GAN: variants seen among roughly 807,000 people sequenced by gnomAD.
The protein encoded by GAN is epididymis secretory sperm binding protein.
A neutral mutation model predicts 71.3 loss-of-function variants in GAN; 48 were observed. The ratio of observed to expected loss-of-function variants is 0.67; its 90% CI spans 0.53 to 0.86. GAN has a LOEUF of 0.86. GAN is among the 40% of genes least tolerant of loss of function. The pLI, the probability that GAN is intolerant of heterozygous loss-of-function variation, is 0.00. For missense variants in GAN, 928 were observed against 770.1 expected (o/e 1.21, Z -2.43); for synonymous variants, 386 against 276.8 (o/e 1.39, Z -3.92).
In GAN at chr16:81,384,487, G is replaced by A. The variant is rs953332827; in HGVS notation, c.*6891G>A. The A allele has an allele frequency of 6.6e-6, 1 of 152,028 alleles. No homozygotes were observed. The highest frequency in any genetic ancestry group is 1.5e-5 in the Non-Finnish European group (1 of 68,018). The allele number at this position is 152,028 out of a possible 1,614,324, so 9.4% of individuals were successfully genotyped here. On this transcript the variant is annotated 3_prime_UTR_variant, in exon 11 of 11. Transcript: ENST00000648994. ...CACTGCTGTGTAAAACAGGGGGCTCGATTTCCATTCTTGTTAGCATCAGAC... is the reference window on the plus strand; with the variant it reads ...CACTGCTGTGTAAAACAGGGGGCTCAATTTCCATTCTTGTTAGCATCAGAC...
At chr16:81,328,984 A>C (rs1909481267) in intron 1 of GAN, among the ~76,000 whole-genome samples, 1 of 152,166 alleles carries the variant, frequency 6.6e-6, no homozygotes, top group South Asian at 2.1e-4. Flanking sequence ...CGTTTCATCT[A>C]CAGTATTAGA....
At chr16:81,329,150 C>G (rs1437665588) in intron 1 of GAN, among the ~76,000 whole-genome samples, 1 of 152,104 alleles carries the variant, frequency 6.6e-6, no homozygotes, top group East Asian at 1.9e-4. Flanking sequence ...GTTCCCCCAC[C>G]CTTTTTCTCC....
At chr16:81,368,080 T>C (rs1163171033) in intron 9 of GAN, among the ~76,000 whole-genome samples, 1 of 152,246 alleles carries the variant, frequency 6.6e-6, no homozygotes, top group Non-Finnish European at 1.5e-5. Flanking sequence ...CTTTGTTCCC[T>C]ATTTTTAGGT....
chr16:81,369,114 A>G (rs1397938524), intron 9 of GAN, among the ~76,000 whole-genome samples: 2 of 152,212 alleles, frequency 1.3e-5, no homozygotes, highest in African/African-American at 2.4e-5. Context: ...TTTACAGTAT[A>G]TAAGTTAAAT....
In GAN at chr16:81,377,641, T is replaced by A. The variant is rs886052337; in HGVS notation, c.*45T>A. 3 of 1,536,798 alleles carry A rather than the reference T, an allele frequency of 2.0e-6. No individual in the cohort carries two copies. Among genetic ancestry groups the A allele is most frequent in the South Asian group, 1.1e-5 (1 of 89,504 alleles). On this transcript the variant is annotated 3_prime_UTR_variant, in exon 11 of 11. Transcript: ENST00000648994. ...GCGAGATCCTGACCCAAGAGCACCA[T>A]AACATAGCTCCGAAAGGGAGAGCAG...
At chr16:81,333,229 G>A (rs191616305) in intron 1 of GAN, among the ~76,000 whole-genome samples, 119 of 138,736 alleles carry the variant, frequency 8.6e-4, no homozygotes, top group African/African-American at 2.8e-3. Context: ...GCAACAGAGC[G>A]AGACTCCATC....
At chr16:81,328,200 A>G (rs1282066715) in intron 1 of GAN, among the ~76,000 whole-genome samples, 1 of 152,244 alleles carries the variant, frequency 6.6e-6, no homozygotes, top group Non-Finnish European at 1.5e-5. Context: ...ATTACATTGG[A>G]GCTTCATTTA....
chr16:81,362,482 T>A lies in GAN; in HGVS notation c.974-17T>A, dbSNP rs1381945707. ...AAGACTCACATTTCATATTTGTGTT[T>A]CCTTTGATCTTTGCAGAAGGATTTT... On this transcript the variant is annotated splice_polypyrimidine_tract_variant and intron_variant, in intron 5 of 10. Transcript: ENST00000648994. 1 of 1,337,532 alleles carries A rather than the reference T, an allele frequency of 7.5e-7. No homozygotes were observed. Among genetic ancestry groups the A allele is most frequent in the South Asian group, 1.2e-5 (1 of 85,502 alleles). 82.9% of individuals were successfully genotyped at this position (1,337,532 alleles called of 1,614,324 possible). A position where few individuals can be genotyped will look rare whatever the true frequency, so the allele number is the denominator to read the frequency against.
chr16:81,377,184 A>C, intron 9 of GAN, 35 bp from the exon 10 acceptor site: 1 of 1,235,028 alleles, frequency 8.1e-7, no homozygotes, highest in Non-Finnish European at 1.2e-6. Flanking sequence ...CATCCTTTTG[A>C]TTTCCTTAAT....
In GAN at chr16:81,356,808, A is replaced by T; in HGVS notation, c.657A>T (p.Ser219=). ...AGGTCCACATGAAGGATGTTATGTCAGCTCTGTGGGTTTCAGGGTTGGACT... is the reference window on the plus strand; with the variant it reads ...AGGTCCACATGAAGGATGTTATGTCTGCTCTGTGGGTTTCAGGGTTGGACT... ...IRKVHMKDVM[S]ALWVSGLDSS... is the part of the protein sequence containing the mutation. The change falls in exon 4 of 11, where the codon TCA becomes TCT. Residue 219 remains serine, a synonymous_variant. Transcript: ENST00000648994. The T allele has an allele frequency of 6.2e-7, 1 of 1,613,054 alleles. No individual in the cohort carries two copies. Among genetic ancestry groups the T allele is most frequent in the East Asian group, 2.2e-5 (1 of 44,884 alleles).
chr16:81,360,743 G>A (rs76760639), intron 5 of GAN, among the ~76,000 whole-genome samples: 1 of 151,400 alleles, frequency 6.6e-6, no homozygotes, highest in South Asian at 2.1e-4. Flanking sequence ...AATTATCTTT[G>A]TTTTTTAAAT....
chr16:81,362,046 A>C (rs1050370921), intron 5 of GAN, among the ~76,000 whole-genome samples: 5 of 152,188 alleles, frequency 3.3e-5, no homozygotes, highest in South Asian at 2.1e-4. Flanking sequence ...ACGCCATTAC[A>C]TGAAATCGGA....
intron 1 of GAN, among the ~76,000 whole-genome samples, chr16:81,348,424 C>T (rs1442946699): frequency 6.6e-6 from 1 of 152,032 alleles, no homozygotes; most frequent in African/African-American, 2.4e-5. Flanking sequence ...CAGTTTTGTT[C>T]CTGTCTTTTA....
chr16:81,332,043 C>T (rs1169825282), intron 1 of GAN, among the ~76,000 whole-genome samples: 3 of 152,010 alleles, frequency 2.0e-5, no homozygotes, highest in African/African-American at 7.2e-5. Flanking sequence ...TGCCTGTGAT[C>T]CCAGCTACTT....
rs886052334 is a variant in GAN at position 81,377,467 on chromosome 16, C to G, written c.1665C>G (p.His555Gln). 2 of 1,614,098 alleles carry G rather than the reference C, an allele frequency of 1.2e-6. No homozygotes were observed. The highest frequency in any genetic ancestry group is 1.7e-5 in the Admixed American group (1 of 60,020). ...REFKRSTGTW[H>Q]HTKPLLPSDL... ...TTAAAAGAAGCACAGGAACCTGGCA[C>G]CACACTAAACCACTCCTTCCATCCG... The change falls in exon 11 of 11, where the codon CAC becomes CAG. Residue 555 changes from histidine to glutamine, a missense_variant. Coordinates refer to ENST00000648994, the MANE Select transcript of GAN (RefSeq NM_022041.4).
At chr16:81,348,191 C>T (rs911708840) in intron 1 of GAN, among the ~76,000 whole-genome samples, 4 of 152,030 alleles carry the variant, frequency 2.6e-5, no homozygotes, top group Non-Finnish European at 1.5e-5. Context: ...AGGAGATTTC[C>T]TCAACTTTTT....
intron 1 of GAN, among the ~76,000 whole-genome samples, chr16:81,343,116 T>G (rs778792746): frequency 2.6e-5 from 4 of 152,154 alleles, no homozygotes; most frequent in Non-Finnish European, 5.9e-5. Flanking sequence ...TAACAGGTTC[T>G]GAAATTGAGG....
Position 81,383,125 on chromosome 16 carries a change from A to T in GAN, c.*5529A>T, listed in dbSNP as rs1001118990. ...AAGTTTGTTCTTTTTCAGTTCTGTC[A>T]TTGAAATTCTCTAAGTGATTGGATT... On this transcript the variant is annotated 3_prime_UTR_variant, in exon 11 of 11. Coordinates refer to ENST00000648994, the MANE Select transcript of GAN (RefSeq NM_022041.4). 3 of 151,674 alleles carry T rather than the reference A, an allele frequency of 2.0e-5. No homozygotes were observed. Among genetic ancestry groups the T allele is most frequent in the African/African-American group, 4.8e-5 (2 of 41,290 alleles). 9.4% of individuals were successfully genotyped at this position (151,674 alleles called of 1,614,324 possible). A position where few individuals can be genotyped will look rare whatever the true frequency, so the allele number is the denominator to read the frequency against.
chr16:81,359,182 A>G (rs11866374), intron 5 of GAN, among the ~76,000 whole-genome samples: 3,234 of 139,020 alleles, frequency 0.023, 60 homozygotes, highest in East Asian at 0.084. Flanking sequence ...GCATCTTCTC[A>G]GAATTAGCTC....
Sources: allele counts gnomAD v4.1 joint callset (sites outside exome capture counted in the v4.1 genomes callset), GRCh38; gene constraint gnomAD v4.1.1; transcripts MANE v1.5; gene names NCBI Gene and HGNC (gene_info 2026-07-23, HGNC 2026-07-21).